Variants in PLCE1 observed in about 807,000 individuals in gnomAD.
PLCE1 encodes 1-phosphatidylinositol 4,5-bisphosphate phosphodiesterase epsilon-1.
PLCE1 carries 119 observed loss-of-function variants against 242.8 expected under a neutral mutation model. The ratio of observed to expected loss-of-function variants is 0.49; its 90% confidence interval spans 0.42 to 0.57. The LOEUF (loss-of-function observed/expected upper bound fraction) is 0.57. Among genes scored for constraint, PLCE1 ranks in the 20% least tolerant of loss-of-function variants. The pLI, the probability that PLCE1 is intolerant of heterozygous loss-of-function variation, is 0.00. For missense variants in PLCE1, 2,441 were observed against 2,788.8 expected, an observed-to-expected ratio of 0.88 and a Z score of 2.81; for synonymous variants, 945 against 1,017.4, an observed-to-expected ratio of 0.93 and a Z score of 1.35.
At chr10:94,234,871 G>A (rs1253677117) in intron 6 of PLCE1, among the ~76,000 whole-genome samples, 1 of 152,130 alleles carries the variant, frequency 6.6e-6, no homozygotes, top group Non-Finnish European at 1.5e-5. Flanking sequence ...CCAAGGCATT[G>A]GGCATTGGAG....
At chr10:94,327,668 GTAGT>G (rs557046196) in intron 32 of PLCE1, among the ~76,000 whole-genome samples, 1 of 152,172 alleles carries the variant, frequency 6.6e-6, no homozygotes, top group South Asian at 2.1e-4. Flanking sequence ...ATCTGAAGTA[GTAGT>G]TAGCTGAAGG....
intron 22 of PLCE1, 38 bp from the exon 23 acceptor site, chr10:94,293,470 T>C: frequency 6.2e-7 from 1 of 1,607,916 alleles, no homozygotes; most frequent in South Asian, 1.1e-5. Context: ...GCCTTGCTTG[T>C]AGTTTTTGGC....
At position 94,027,743 on chromosome 10, in the gene PLCE1, T is replaced by C. The variant is rs568193871; in HGVS notation, c.-364-2940T>C. 3.7e-3 allele frequency among the ~76,000 whole-genome samples: 570 copies of C among 152,130 alleles called. 2 individuals are homozygous for C. The highest frequency in any genetic ancestry group is 0.013 in the African/African-American group (538 of 41,506). ...GGCTGAGGCAGGAGAATCGCTTGAA[T>C]CCATGAAGTGGAGGTTGTAGTGAGC... On this transcript the variant is annotated intron_variant, in intron 1 of 32. Coordinates refer to ENST00000371380, the MANE Select transcript of PLCE1 (RefSeq NM_016341.4).
At position 94,330,193 on chromosome 10, in the gene PLCE1, C is replaced by T. The variant is rs1369744026; in HGVS notation, c.*2250C>T. On this transcript the variant is annotated 3_prime_UTR_variant, in exon 33 of 33. Coordinates refer to ENST00000371380, the MANE Select transcript of PLCE1 (RefSeq NM_016341.4). ...CGCTGCCCCACTCCTCCTCCATGACCTTTAACACAGGTGTATGTTTTACAA... is the reference window on the plus strand; with the variant it reads ...CGCTGCCCCACTCCTCCTCCATGACTTTTAACACAGGTGTATGTTTTACAA... The T allele has an allele frequency of 6.6e-6, 1 of 152,212 alleles. No homozygotes were observed. Among genetic ancestry groups the T allele is most frequent in the Non-Finnish European group, 1.5e-5 (1 of 68,058 alleles). 9.4% of individuals were successfully genotyped at this position (152,212 alleles called of 1,614,324 possible).
In PLCE1 at chr10:94,171,397, C is replaced by T. The variant is rs1042835833; in HGVS notation, c.1710C>T (p.Ser570=). The T allele has an allele frequency of 1.9e-6, 3 of 1,614,148 alleles. No homozygotes were observed. Among genetic ancestry groups the T allele is most frequent in the Non-Finnish European group, 2.5e-6 (3 of 1,179,976 alleles). ...TRDLGTPECQ[S]SLPCLKASIS... ...ACTTGGGCACTCCTGAATGCCAGAG[C>T]TCCTTGCCCTGCCTCAAAGCATCCA... The change falls in exon 4 of 33, where the codon AGC becomes AGT. Residue 570 remains serine, a synonymous_variant. Coordinates refer to ENST00000371380, the MANE Select transcript of PLCE1 (RefSeq NM_016341.4).
intron 4 of PLCE1, among the ~76,000 whole-genome samples, chr10:94,187,550 T>G (rs2048522185): frequency 6.6e-6 from 1 of 152,122 alleles, no homozygotes; most frequent in Non-Finnish European, 1.5e-5. Flanking sequence ...CAGAGTGTGC[T>G]TTTGGAAACT....
intron 2 of PLCE1, among the ~76,000 whole-genome samples, chr10:94,090,747 A>G (rs2045034789): frequency 1.3e-5 from 2 of 152,052 alleles, no homozygotes; most frequent in East Asian, 1.9e-4. Context: ...CTTTCAGCCT[A>G]TGTCGTCCTG....
intron 7 of PLCE1, among the ~76,000 whole-genome samples, chr10:94,241,803 A>G (rs1046994698): frequency 6.6e-6 from 1 of 151,836 alleles, no homozygotes; most frequent in Non-Finnish European, 1.5e-5. Context: ...AAAAAAAAAA[A>G]AAAAGCCCCT....
intron 2 of PLCE1, among the ~76,000 whole-genome samples, chr10:94,066,138 A>C (rs984348104): frequency 1.2e-4 from 19 of 152,290 alleles, no homozygotes; most frequent in South Asian, 2.1e-4. Flanking sequence ...TGGGGAGGTC[A>C]TTTTGCAGAA....
chr10:94,128,555 G>A (rs1211548680), intron 2 of PLCE1, among the ~76,000 whole-genome samples: 1 of 152,188 alleles, frequency 6.6e-6, no homozygotes, highest in East Asian at 1.9e-4. Flanking sequence ...GCTTGGAAAT[G>A]TGGCTGATAA....
chr10:94,099,135 C>T (rs552283756), intron 2 of PLCE1, among the ~76,000 whole-genome samples: 10 of 152,218 alleles, frequency 6.6e-5, no homozygotes, highest in Non-Finnish European at 1.2e-4. Flanking sequence ...AAACCCCAAC[C>T]TTGACTCTTA....
intron 2 of PLCE1, among the ~76,000 whole-genome samples, chr10:94,103,287 A>C (rs1389044405): frequency 6.6e-6 from 1 of 152,194 alleles, no homozygotes; most frequent in Non-Finnish European, 1.5e-5. Context: ...TAAATGGCAA[A>C]GCTAGGGCTT....
chr10:94,068,422 A>C (rs907946411), intron 2 of PLCE1, among the ~76,000 whole-genome samples: 1 of 152,224 alleles, frequency 6.6e-6, no homozygotes, highest in African/African-American at 2.4e-5. Flanking sequence ...TACAAATAAA[A>C]CAATGCAACA....
chr10:94,233,488 A>C (rs2050212190), intron 5 of PLCE1, among the ~76,000 whole-genome samples: 1 of 151,914 alleles, frequency 6.6e-6, no homozygotes, highest in East Asian at 1.9e-4. Flanking sequence ...TGCCAGAAAA[A>C]CTCAAACCTA....
intron 18 of PLCE1, among the ~76,000 whole-genome samples, chr10:94,272,973 G>T (rs867940766): frequency 3.3e-5 from 5 of 152,108 alleles, no homozygotes; most frequent in Non-Finnish European, 7.3e-5. Flanking sequence ...GGCTGAGGCG[G>T]GTGGATCGCT....
intron 2 of PLCE1, among the ~76,000 whole-genome samples, chr10:94,041,571 C>T (rs1176975729): frequency 6.6e-6 from 1 of 152,156 alleles, no homozygotes; most frequent in African/African-American, 2.4e-5. Context: ...ACACCTGAGA[C>T]AGCTGTGTGC....
intron 1 of PLCE1, among the ~76,000 whole-genome samples, chr10:94,008,191 C>CAAAAAAAAAAAAAAAAAAAAAAAAAAA: frequency 1.8e-5 from 1 of 55,210 alleles, no homozygotes; most frequent in Non-Finnish European, 3.6e-5. Flanking sequence ...GACCTTGTCT[C>CAAAAAAAAAAAAAAAAAAAAAAAAAAA]AAAAAAAAAA....
intron 24 of PLCE1, among the ~76,000 whole-genome samples, chr10:94,299,389 A>G (rs2052957497): frequency 6.6e-6 from 1 of 152,248 alleles, no homozygotes; most frequent in Non-Finnish European, 1.5e-5. Flanking sequence ...TGAGCAAATC[A>G]AGGCACAAAT....
intron 2 of PLCE1, among the ~76,000 whole-genome samples, chr10:94,077,803 A>T (rs2044550137): frequency 6.6e-6 from 1 of 152,168 alleles, no homozygotes; most frequent in South Asian, 2.1e-4. Flanking sequence ...TGTTGGAATA[A>T]ATATTGGTTT....
Sources: allele counts gnomAD v4.1 joint callset (sites outside exome capture counted in the v4.1 genomes callset), GRCh38; gene constraint gnomAD v4.1.1; transcripts MANE v1.5; gene names NCBI Gene and HGNC (gene_info 2026-07-23, HGNC 2026-07-21).